Variants in HCRTR2 observed in about 807,000 individuals in gnomAD.
The protein encoded by HCRTR2 is orexin receptor type 2.
A neutral mutation model predicts 49.0 loss-of-function variants in HCRTR2; 22 were observed. That is an observed-to-expected ratio of 0.45 (90% CI 0.32 to 0.64). The LOEUF is 0.64. HCRTR2 is among the 30% of genes least tolerant of loss of function. The pLI, the probability that HCRTR2 is intolerant of heterozygous loss-of-function variation, is 0.04. For missense variants in HCRTR2, 491 were observed against 559.4 expected (o/e 0.88, Z 1.23); for synonymous variants, 236 against 205.3 (o/e 1.15, Z -1.28).
chr6:55,158,622 AG>A (rs1764762196), intron 1 of HCRTR2, among the ~76,000 whole-genome samples: 1 of 152,178 alleles, frequency 6.6e-6, no homozygotes, highest in Non-Finnish European at 1.5e-5. Context: ...TGGTGGAGAG[AG>A]GGACGTCCAC....
intron 1 of HCRTR2, among the ~76,000 whole-genome samples, chr6:55,156,930 T>C (rs1764739422): frequency 6.6e-6 from 1 of 152,082 alleles, no homozygotes. Context: ...GCTAACATCA[T>C]ATTTAATGGT....
chr6:55,154,427 T>C (rs1581797451), intron 1 of HCRTR2, among the ~76,000 whole-genome samples: 1 of 151,924 alleles, frequency 6.6e-6, no homozygotes, highest in Admixed American at 6.6e-5. Context: ...TCATATAGCA[T>C]GACCAGTGAA....
At chr6:55,232,876 C>G (rs181073019) in intron 1 of HCRTR2, among the ~76,000 whole-genome samples, 1 of 152,232 alleles carries the variant, frequency 6.6e-6, no homozygotes, top group East Asian at 1.9e-4. Context: ...AGATTTTTAA[C>G]TCCGAAGTGC....
chr6:55,210,674 T>C (rs79506455), intron 1 of HCRTR2, among the ~76,000 whole-genome samples: 2,449 of 152,226 alleles, frequency 0.016, 64 homozygotes, highest in African/African-American at 0.056. Context: ...CTGATCACTG[T>C]CCCTTCCTGT....
chr6:55,280,456 A>C lies in HCRTR2; in HGVS notation c.1105+12A>C, dbSNP rs188098116. ...TAATTTTCTCAGTGGTGAGTTTTCA[A>C]CTGTTCTTCCATAAGCCACAATTGT... On this transcript the variant is annotated intron_variant, in intron 6 of 6. Coordinates refer to ENST00000370862, the MANE Select transcript of HCRTR2 (RefSeq NM_001384272.1). 747 of 1,611,682 alleles carry C rather than the reference A, an allele frequency of 4.6e-4. No homozygotes were observed. The highest frequency in any genetic ancestry group is 9.3e-4 in the Admixed American group (56 of 59,926).
At chr6:55,259,809 T>C (rs1021122076) in intron 3 of HCRTR2, among the ~76,000 whole-genome samples, 5 of 152,140 alleles carry the variant, frequency 3.3e-5, no homozygotes, top group Admixed American at 1.3e-4. Context: ...CTAGGTTATA[T>C]ACAAATGTCT....
At chr6:55,120,263 TG>T (rs1764177614) in intron 1 of HCRTR2, among the ~76,000 whole-genome samples, 1 of 152,062 alleles carries the variant, frequency 6.6e-6, no homozygotes, top group South Asian at 2.1e-4. Context: ...GGCCCTTTTT[TG>T]GTTCCATATT....
intron 1 of HCRTR2, among the ~76,000 whole-genome samples, chr6:55,141,130 C>T (rs1383396418): frequency 2.7e-5 from 4 of 148,782 alleles, no homozygotes; most frequent in African/African-American, 7.4e-5. Context: ...GTCAGGAGAT[C>T]GAGACCATCC....
chr6:55,113,444 A>G (rs1764076984), intron 1 of HCRTR2, among the ~76,000 whole-genome samples: 1 of 151,998 alleles, frequency 6.6e-6, no homozygotes. Context: ...AAGAAAACAA[A>G]TAATCCCATC....
intron 4 of HCRTR2, among the ~76,000 whole-genome samples, chr6:55,272,528 A>G (rs1354416983): frequency 6.6e-6 from 1 of 152,078 alleles, no homozygotes; most frequent in Admixed American, 6.6e-5. Flanking sequence ...TTATATCGCA[A>G]TAAAATGTTT....
At chr6:55,224,214 A>G (rs1189186447) in intron 1 of HCRTR2, among the ~76,000 whole-genome samples, 6 of 152,344 alleles carry the variant, frequency 3.9e-5, no homozygotes, top group African/African-American at 1.4e-4. Flanking sequence ...CTGGGTATAT[A>G]TCCAAAGAAA....
intron 1 of HCRTR2, among the ~76,000 whole-genome samples, chr6:55,153,698 A>T (rs1031325985): frequency 6.6e-6 from 1 of 151,990 alleles, no homozygotes; most frequent in Non-Finnish European, 1.5e-5. Context: ...GTCATTTGAG[A>T]TCCATACTGG....
At chr6:55,106,775 T>C (rs1160141896) in intron 1 of HCRTR2, among the ~76,000 whole-genome samples, 2 of 152,138 alleles carry the variant, frequency 1.3e-5, no homozygotes, top group Admixed American at 6.6e-5. Flanking sequence ...ATGAAGCTAG[T>C]CCTGACAAAA....
intron 1 of HCRTR2, among the ~76,000 whole-genome samples, chr6:55,131,256 C>G (rs116150845): frequency 6.6e-6 from 1 of 151,512 alleles, no homozygotes; most frequent in African/African-American, 2.4e-5. Flanking sequence ...AGTAGTTCCC[C>G]TTTTATAAGA....
chr6:55,200,565 A>G (rs1264800085), intron 1 of HCRTR2, among the ~76,000 whole-genome samples: 1 of 152,142 alleles, frequency 6.6e-6, no homozygotes, highest in African/African-American at 2.4e-5. Context: ...CAGTCTATCA[A>G]TTGCTTCATA....
downstream of HCRTR2, among the ~76,000 whole-genome samples, chr6:55,282,818 AT>A (rs1227045930): frequency 2.6e-5 from 4 of 151,816 alleles, no homozygotes; most frequent in Admixed American, 6.6e-5. Context: ...CTATCCAATG[AT>A]TTTTTTTGCT....
intron 1 of HCRTR2, among the ~76,000 whole-genome samples, chr6:55,240,571 G>T (rs1440731241): frequency 1.3e-5 from 2 of 152,082 alleles, no homozygotes; most frequent in African/African-American, 2.4e-5. Flanking sequence ...ATGGGAGATT[G>T]AGACAGGCAT....
At chr6:55,137,386 T>C (rs907512547) in intron 1 of HCRTR2, among the ~76,000 whole-genome samples, 1 of 152,178 alleles carries the variant, frequency 6.6e-6, no homozygotes, top group Non-Finnish European at 1.5e-5. Flanking sequence ...TAGGGACTGG[T>C]CTTTTAGGTG....
At chr6:55,255,802 T>A (rs998501845) in intron 3 of HCRTR2, among the ~76,000 whole-genome samples, 3 of 152,164 alleles carry the variant, frequency 2.0e-5, no homozygotes, top group African/African-American at 7.2e-5. Flanking sequence ...TACAACTGAA[T>A]TTTTTCATTT....
Sources: allele counts gnomAD v4.1 joint callset (sites outside exome capture counted in the v4.1 genomes callset), GRCh38; gene constraint gnomAD v4.1.1; transcripts MANE v1.5; gene names NCBI Gene and HGNC (gene_info 2026-07-23, HGNC 2026-07-21).